Variants in AP1G1 observed in about 807,000 individuals in gnomAD.
AP1G1 encodes the protein AP-1 complex subunit gamma-1.
In AP1G1, 7 loss-of-function variants were observed where a neutral mutation model predicts 108.3. The ratio of observed to expected loss-of-function variants is 0.06; its 90% CI spans 0.04 to 0.12. The LOEUF is 0.12. AP1G1 is among the 10% of genes least tolerant of loss of function. The probability of loss-of-function intolerance (pLI) is 1.00; values close to 1 mark genes in which losing one functional copy is unlikely to be tolerated. For synonymous variants in AP1G1, 379 were observed against 353.5 expected (o/e 1.07, Z -0.81); for missense variants, 756 against 1,010.7 (o/e 0.75, Z 3.42).
chr16:71,806,467 C>T (rs1292135023), intron 1 of AP1G1, among the ~76,000 whole-genome samples: 5 of 152,186 alleles, frequency 3.3e-5, no homozygotes, highest in Non-Finnish European at 5.9e-5. Flanking sequence ...TGGCCTCCAA[C>T]TCCTGGGCTC....
intron 2 of AP1G1, among the ~76,000 whole-genome samples, chr16:71,782,482 A>T (rs1348326196): frequency 1.3e-5 from 2 of 149,606 alleles, no homozygotes; most frequent in African/African-American, 4.9e-5. Flanking sequence ...TATTATTATT[A>T]TTATTATTTT....
At chr16:71,793,268 C>A (rs2145535551) in intron 1 of AP1G1, among the ~76,000 whole-genome samples, 1 of 152,296 alleles carries the variant, frequency 6.6e-6, no homozygotes, top group South Asian at 2.1e-4. Flanking sequence ...CAGAACATAG[C>A]TGAGAATCCA....
chr16:71,796,133 G>A (rs889816156), intron 1 of AP1G1, among the ~76,000 whole-genome samples: 7 of 152,260 alleles, frequency 4.6e-5, no homozygotes, highest in South Asian at 2.1e-4. Context: ...TAGCTATTCG[G>A]GAGGCTGATG....
intron 2 of AP1G1, among the ~76,000 whole-genome samples, chr16:71,777,157 GGAGGCAGCTGTGGGGTTT>G (rs2031815919): frequency 6.6e-6 from 1 of 150,844 alleles, no homozygotes; most frequent in African/African-American, 2.4e-5. Flanking sequence ...GGGAGGGGAG[GGAGGCAGCTGTGGGGTTT>G]GGCCCCAACC....
intron 12 of AP1G1, 27 bp from the exon 13 acceptor site, chr16:71,753,914 T>C: frequency 6.2e-7 from 1 of 1,606,470 alleles, no homozygotes; most frequent in Non-Finnish European, 8.5e-7. Flanking sequence ...AAAGGGACAC[T>C]TGGAACCAGT....
chr16:71,798,342 G>T (rs1257966442), intron 1 of AP1G1, among the ~76,000 whole-genome samples: 1 of 152,090 alleles, frequency 6.6e-6, no homozygotes, highest in Non-Finnish European at 1.5e-5. Flanking sequence ...AGGACTATAG[G>T]CGCGTGCCAC....
In AP1G1 at chr16:71,798,052, C is replaced by T. The variant is rs183179858; in HGVS notation, c.-3-8570G>A. 6.6e-5 allele frequency among the ~76,000 whole-genome samples: 10 copies of T among 152,216 alleles called. 1 individual carries two copies. The highest frequency in any genetic ancestry group is 3.9e-4 in the Admixed American group (6 of 15,290). ...AAATTTAGTAAGAAAGGTATAGGAA[C>T]TATACGAAAAAAACTACGAAATCTA... On this transcript the variant is annotated intron_variant, in intron 1 of 22. Transcript: ENST00000299980.
At chr16:71,739,858 A>G (rs1182589100) in intron 19 of AP1G1, among the ~76,000 whole-genome samples, 1 of 152,200 alleles carries the variant, frequency 6.6e-6, no homozygotes, top group African/African-American at 2.4e-5. Flanking sequence ...TAAAACCAAT[A>G]AGAAACAGAT....
intron 2 of AP1G1, among the ~76,000 whole-genome samples, chr16:71,774,808 C>T (rs976026098): frequency 6.6e-5 from 10 of 151,426 alleles, no homozygotes; most frequent in Non-Finnish European, 1.3e-4. Context: ...GCAACCTCTG[C>T]CTCCCAGGTT....
chr16:71,745,116 G>A (rs772475793), intron 19 of AP1G1, 28 bp downstream of exon 19: 1 of 1,610,352 alleles, frequency 6.2e-7, no homozygotes, highest in Non-Finnish European at 8.5e-7. Flanking sequence ...TCTTTTCCCA[G>A]GTATTAAATA....
chr16:71,745,564 C>G lies in AP1G1; in HGVS notation c.1781G>C (p.Gly594Ala). ...ATTTGTCTGCACAATCTCAGTAGGGCCATTTGTGGTCACTTTTTCCATGAC... is the reference window on the plus strand; with the variant it reads ...ATTTGTCTGCACAATCTCAGTAGGGGCATTTGTGGTCACTTTTTCCATGAC... ...MPVMEKVTTN[G>A]PTEIVQTNGE... is the part of the protein sequence containing the mutation. The change falls in exon 18 of 23, where the codon GGC becomes GCC. Residue 594 changes from glycine to alanine, a missense_variant. Coordinates refer to ENST00000299980, the MANE Select transcript of AP1G1 (RefSeq NM_001128.6). 1 of 1,614,124 alleles carries G rather than the reference C, an allele frequency of 6.2e-7. No individual in the cohort carries two copies. Among genetic ancestry groups the G allele is most frequent in the Non-Finnish European group, 8.5e-7 (1 of 1,180,036 alleles).
chr16:71,748,491 A>G, intron 15 of AP1G1, 113 bp from the exon 16 acceptor site: 2 of 1,223,878 alleles, frequency 1.6e-6, no homozygotes, highest in East Asian at 2.5e-5. Context: ...CCGTTACAAA[A>G]GCCTCTAACT....
In AP1G1 at chr16:71,764,356, T is replaced by G; in HGVS notation, c.912A>C (p.Gly304=). 2 of 1,587,888 alleles carry G rather than the reference T, an allele frequency of 1.3e-6. No individual in the cohort carries two copies. The highest frequency in any genetic ancestry group is 1.7e-6 in the Non-Finnish European group (2 of 1,164,022). The change falls in exon 9 of 23, where the codon GGA becomes GGC. Residue 304 remains glycine (G), a synonymous_variant. Transcript: ENST00000299980. The part of the protein sequence containing the change: ...LTIMDIKSES[G]LRVLAINILG... Reference sequence around the variant, plus strand: ...AAGATTCAAAAAGACTTACTCGCAATCCACTCTCTGACTTAATATCCATGA... The same window carrying G: ...AAGATTCAAAAAGACTTACTCGCAAGCCACTCTCTGACTTAATATCCATGA...
intron 2 of AP1G1, among the ~76,000 whole-genome samples, chr16:71,777,375 G>A (rs1202106832): frequency 6.6e-6 from 1 of 151,972 alleles, no homozygotes; most frequent in Non-Finnish European, 1.5e-5. Context: ...GGGCCAGCTG[G>A]GGAGCTCAGA....
chr16:71,784,030 T>C (rs772475373), intron 2 of AP1G1, among the ~76,000 whole-genome samples: 33 of 152,144 alleles, frequency 2.2e-4, no homozygotes, highest in Admixed American at 6.6e-4. Flanking sequence ...ATCACCACTT[T>C]TGTTATAAAA....
Position 71,753,850 on chromosome 16 carries a change from T to C in AP1G1, c.1267A>G (p.Met423Val). ...CTACTTACCGTTGTCAAAACACGCA[T>C]AATTGTGTCTATATGCCATCGTTTG... ...PSKRWHIDTI[M>V]RVLTTAGSYV... Residue 423 changes from methionine (M) to valine (V), a missense_variant, in exon 13 of 23, where the codon ATG becomes GTG. Around this residue, in one of 3 missense-constraint regions of AP1G1, gnomAD observed 357 missense variants for 366.5 expected, o/e 0.97. Transcript: ENST00000299980. 6.2e-7 allele frequency: 1 copy of C among 1,614,110 alleles called. No individual in the cohort carries two copies. The highest frequency in any genetic ancestry group is 8.5e-7 in the Non-Finnish European group (1 of 1,179,972).
chr16:71,754,095 T>G (rs1218132324), intron 12 of AP1G1, among the ~76,000 whole-genome samples: 1 of 151,770 alleles, frequency 6.6e-6, no homozygotes, highest in Admixed American at 6.6e-5. Context: ...AAAAATTAGC[T>G]GGGTGTGGTG....
Position 71,785,577 on chromosome 16 carries a change from A to G in AP1G1, c.201+3702T>C, listed in dbSNP as rs529098861. ...GTGACAAGAGCGAAACCCTGCCTCA[A>G]AAAAAAAAAAAAAAAAAAAAAAGTG... On this transcript the variant is annotated intron_variant, in intron 2 of 22. Coordinates refer to ENST00000299980, the MANE Select transcript of AP1G1 (RefSeq NM_001128.6). 8.7e-3 allele frequency among the ~76,000 whole-genome samples: 245 copies of G among 28,210 alleles called. 2 individuals carry two copies. In the East Asian group the frequency reaches 0.098, roughly 11 times the overall value. 18.5% of individuals were successfully genotyped at this position (28,210 alleles called of 152,430 possible).
In AP1G1 at chr16:71,764,737, A is replaced by G; in HGVS notation, c.739-11T>C. ...CCGCAAAATTCGTACCTAACGTGCA[A>G]AAGATGAGAGGTGTCAACAAATTAT... On this transcript the variant is annotated splice_polypyrimidine_tract_variant and intron_variant, in intron 7 of 22. Coordinates refer to ENST00000299980, the MANE Select transcript of AP1G1 (RefSeq NM_001128.6). 1.3e-6 allele frequency: 2 copies of G among 1,587,128 alleles called. No individual in the cohort carries two copies. Among genetic ancestry groups the G allele is most frequent in the South Asian group, 2.3e-5 (2 of 87,458 alleles).
Sources: allele counts gnomAD v4.1 joint callset (sites outside exome capture counted in the v4.1 genomes callset), GRCh38; gene constraint gnomAD v4.1.1; regional missense constraint gnomAD v4.1.1; transcripts MANE v1.5; gene names NCBI Gene and HGNC (gene_info 2026-07-23, HGNC 2026-07-21).